SPAG16: variants seen among roughly 807,000 people sequenced by gnomAD.
SPAG16 encodes sperm-associated antigen 16 protein.
A neutral mutation model predicts 80.4 loss-of-function variants in SPAG16; 86 were observed. The ratio of observed to expected loss-of-function variants is 1.07; its 90% CI spans 0.90 to 1.28. The LOEUF is 1.28. SPAG16 is among the 50% of genes most tolerant of loss of function. SPAG16 has a pLI of 0.00. For synonymous variants in SPAG16, 294 were observed against 265.9 expected, an observed-to-expected ratio of 1.11 and a Z score of -1.03; for missense variants, 870 against 765.3, an observed-to-expected ratio of 1.14 and a Z score of -1.61.
At chr2:213,441,451 C>T (rs779150494) in intron 9 of SPAG16, among the ~76,000 whole-genome samples, 5 of 152,242 alleles carry the variant, frequency 3.3e-5, no homozygotes, top group African/African-American at 9.6e-5. Flanking sequence ...TCTATGGTTT[C>T]GTATTTAGGA....
At chr2:213,514,426 C>G (rs2075343807) in intron 10 of SPAG16, among the ~76,000 whole-genome samples, 1 of 152,016 alleles carries the variant, frequency 6.6e-6, no homozygotes, top group Admixed American at 6.6e-5. Flanking sequence ...ATATAATTTG[C>G]TTCATTAAAA....
intron 9 of SPAG16, among the ~76,000 whole-genome samples, chr2:213,455,441 C>T (rs963146371): frequency 2.0e-5 from 3 of 152,146 alleles, no homozygotes; most frequent in Admixed American, 6.5e-5. Flanking sequence ...ACAAGCCAGG[C>T]ATGGACACCC....
At chr2:213,293,229 G>T (rs1177246804) in intron 1 of SPAG16, among the ~76,000 whole-genome samples, 1 of 152,094 alleles carries the variant, frequency 6.6e-6, no homozygotes, top group African/African-American at 2.4e-5. Context: ...GTTTCCTGAG[G>T]TATCCTCAGC....
At chr2:213,668,088 G>A (rs911317492) in intron 10 of SPAG16, among the ~76,000 whole-genome samples, 2 of 151,942 alleles carry the variant, frequency 1.3e-5, no homozygotes, top group Non-Finnish European at 2.9e-5. Flanking sequence ...TTACAGGCAT[G>A]TGCCACCACG....
intron 10 of SPAG16, among the ~76,000 whole-genome samples, chr2:213,521,570 C>T (rs1461495928): frequency 6.6e-6 from 1 of 152,134 alleles, no homozygotes; most frequent in Non-Finnish European, 1.5e-5. Flanking sequence ...GTATGTCGTG[C>T]ACTTCTAGGT....
intron 8 of SPAG16, among the ~76,000 whole-genome samples, chr2:213,370,165 CACA>C (rs2066552397): frequency 6.6e-6 from 1 of 152,256 alleles, no homozygotes; most frequent in Admixed American, 6.5e-5. Flanking sequence ...ATAAAAGTAA[CACA>C]ACAATACAAG....
intron 5 of SPAG16, among the ~76,000 whole-genome samples, chr2:213,320,327 TTACA>T (rs1482892168): frequency 6.6e-6 from 1 of 152,022 alleles, no homozygotes; most frequent in African/African-American, 2.4e-5. Context: ...GTTATTTTGA[TTACA>T]TACATACAAT....
intron 9 of SPAG16, among the ~76,000 whole-genome samples, chr2:213,387,612 G>A (rs895624406): frequency 1.4e-5 from 2 of 141,552 alleles, no homozygotes; most frequent in African/African-American, 5.4e-5. Flanking sequence ...CCGCCACCAC[G>A]CCCGGCTAAT....
intron 15 of SPAG16, among the ~76,000 whole-genome samples, chr2:214,224,180 T>C (rs2125783303): frequency 6.6e-6 from 1 of 152,274 alleles, no homozygotes; most frequent in Non-Finnish European, 1.5e-5. Flanking sequence ...ATTTTGAGTT[T>C]CTTAAGACTC....
chr2:214,172,835 A>G (rs1235053332), intron 15 of SPAG16, among the ~76,000 whole-genome samples: 1 of 151,916 alleles, frequency 6.6e-6, no homozygotes, highest in Non-Finnish European at 1.5e-5. Flanking sequence ...TTTGATTTGC[A>G]TTTCTCTGAT....
At chr2:213,992,914 T>C (rs1332810434) in intron 12 of SPAG16, among the ~76,000 whole-genome samples, 2 of 152,138 alleles carry the variant, frequency 1.3e-5, no homozygotes, top group African/African-American at 4.8e-5. Context: ...GTAATGAAAA[T>C]GGATGGCACC....
intron 10 of SPAG16, among the ~76,000 whole-genome samples, chr2:213,821,581 C>T (rs2072937746): frequency 6.6e-6 from 1 of 152,050 alleles, no homozygotes; most frequent in South Asian, 2.1e-4. Flanking sequence ...ATTTTAGTTA[C>T]TTTAAAAAGT....
intron 5 of SPAG16, among the ~76,000 whole-genome samples, chr2:213,334,479 C>T (rs1011176961): frequency 2.0e-5 from 3 of 152,170 alleles, no homozygotes; most frequent in African/African-American, 7.2e-5. Flanking sequence ...GAAAGGAAAT[C>T]AGTATATCAA....
chr2:214,261,674 A>T (rs536460611), intron 15 of SPAG16, among the ~76,000 whole-genome samples: 7 of 152,136 alleles, frequency 4.6e-5, no homozygotes, highest in African/African-American at 1.7e-4. Flanking sequence ...TAACAGAGTA[A>T]TTTTTTATTT....
intron 15 of SPAG16, among the ~76,000 whole-genome samples, chr2:214,299,267 T>C (rs1293265799): frequency 7.3e-5 from 8 of 110,304 alleles, no homozygotes; most frequent in Non-Finnish European, 1.3e-4. Context: ...TTTTTTTTTT[T>C]TGAGACGGGG....
chr2:214,271,587 G>A (rs1692010078), intron 15 of SPAG16, among the ~76,000 whole-genome samples: 1 of 152,102 alleles, frequency 6.6e-6, no homozygotes, highest in Non-Finnish European at 1.5e-5. Context: ...GATCACCTGA[G>A]GTCAGGAGTT....
intron 10 of SPAG16, among the ~76,000 whole-genome samples, chr2:213,809,677 A>G (rs2072004448): frequency 6.6e-6 from 1 of 152,178 alleles, no homozygotes; most frequent in East Asian, 1.9e-4. Context: ...AATTACAATT[A>G]AAAAGAGAAG....
chr2:213,590,488 G>T (rs995699848), intron 10 of SPAG16, among the ~76,000 whole-genome samples: 1 of 148,668 alleles, frequency 6.7e-6, no homozygotes, highest in African/African-American at 2.5e-5. Flanking sequence ...AGTGGGCAAA[G>T]GACATAAACA....
At chr2:213,311,067 G>T (rs1469026285) in intron 4 of SPAG16, among the ~76,000 whole-genome samples, 2 of 151,352 alleles carry the variant, frequency 1.3e-5, no homozygotes, top group Middle Eastern at 3.2e-3. Flanking sequence ...GCACATAAGC[G>T]CAGTCAGTTT....
Sources: gnomAD v4.1 joint callset for allele counts (sites outside exome capture counted in the v4.1 genomes callset) on GRCh38, gnomAD v4.1.1 for gene constraint, MANE v1.5 for transcripts, NCBI Gene and HGNC (gene_info 2026-07-23, HGNC 2026-07-21) for gene names.